Variants in ACOT7 observed in about 807,000 individuals in gnomAD.
The protein encoded by ACOT7 is acyl-CoA thioesterase 7, also known as cytosolic acyl coenzyme A thioester hydrolase.
Under a neutral mutation model 40.2 loss-of-function variants are expected in ACOT7, and 12 were observed. The ratio of observed to expected loss-of-function variants is 0.30; its 90% CI spans 0.19 to 0.48. ACOT7 has a LOEUF of 0.48. ACOT7 is among the 20% of genes least tolerant of loss of function. ACOT7 has a pLI of 0.99. For missense variants in ACOT7, 395 were observed against 530.8 expected (o/e 0.74, Z 2.51); for synonymous variants, 228 against 219.5 (o/e 1.04, Z -0.34).
intron 1 of ACOT7, among the ~76,000 whole-genome samples, chr1:6,382,805 A>C (rs1201962058): frequency 6.6e-6 from 1 of 151,842 alleles, no homozygotes; most frequent in Non-Finnish European, 1.5e-5. Flanking sequence ...ACCCTGTCTC[A>C]ATTTAAAAAA....
At chr1:6,384,984 C>T (rs978918411) in intron 1 of ACOT7, among the ~76,000 whole-genome samples, 1 of 151,926 alleles carries the variant, frequency 6.6e-6, no homozygotes, top group Non-Finnish European at 1.5e-5. Flanking sequence ...GCCCACTCAA[C>T]AGAGTTTCTG....
At chr1:6,356,354 G>A (rs3789465) in intron 1 of ACOT7, among the ~76,000 whole-genome samples, 12,237 of 152,186 alleles carry the variant, frequency 0.08, 829 homozygotes, top group African/African-American at 0.18. Flanking sequence ...GCAGCACTGA[G>A]TGGCACAGGG....
rs1242197177 is a variant in ACOT7, at chr1:6,338,527, C to T, written c.418+906G>A. ...AGGCCCTTGCTCAGCTCCATCTGCC[C>T]ACCTGCCGGAGCTGGGCTGACACAG... On this transcript the variant is annotated intron_variant, in intron 3 of 8. Coordinates refer to ENST00000361521, the MANE Select transcript of ACOT7 (RefSeq NM_007274.4). The surrounding 1 kb of genome is among the most constrained non-coding windows in gnomAD (Gnocchi z 4.4). Among the ~76,000 whole-genome samples the T allele has an allele frequency of 6.6e-6, 1 of 152,188 alleles. No individual in the cohort carries two copies. Among genetic ancestry groups the T allele is most frequent in the Non-Finnish European group, 1.5e-5 (1 of 68,032 alleles).
chr1:6,338,379 G>A lies in ACOT7; in HGVS notation c.418+1054C>T, dbSNP rs1641168401. Among the ~76,000 whole-genome samples, 1 of 152,182 alleles carries A rather than the reference G, an allele frequency of 6.6e-6. No individual in the cohort carries two copies. The highest frequency in any genetic ancestry group is 2.4e-5 in the African/African-American group (1 of 41,446). ...GAGTCGTGGGCGCTGCTCCTGTTGT[G>A]GGAGGTGCCCATACACCCCTTCCTG... is the stretch of plus-strand genomic sequence containing the variant. On this transcript the variant is annotated intron_variant, in intron 3 of 8. Transcript: ENST00000361521. This position sits in a 1 kb window ranked among gnomAD's most constrained non-coding sequence, Gnocchi z 4.4.
At chr1:6,309,455 TTTG>T (rs1224556072) in intron 6 of ACOT7, among the ~76,000 whole-genome samples, 2 of 152,096 alleles carry the variant, frequency 1.3e-5, no homozygotes, top group African/African-American at 2.4e-5. Flanking sequence ...GTGGGTGGAT[TTTG>T]TTATTTTTTT....
chr1:6,284,795 C>A (rs1639456957), intron 7 of ACOT7, among the ~76,000 whole-genome samples: 1 of 152,106 alleles, frequency 6.6e-6, no homozygotes, highest in Non-Finnish European at 1.5e-5. Context: ...GGCCCCTAGC[C>A]TGCCCCCTGC....
rs34026058 is a variant in ACOT7 at position 6,388,737 on chromosome 1, T to TA, written c.143+4519dup. On this transcript the variant is annotated intron_variant, in intron 1 of 8. Transcript: ENST00000361521. ...CCTGGGTGACAGAGTGAGACTCTCT[T>TA]AAAAAAAAAAAAAAAAAAAGGCCGG... Among the ~76,000 whole-genome samples the TA allele has an allele frequency of 1.6e-3, 133 of 84,620 alleles. 1 individual carries two copies. Among genetic ancestry groups the TA allele is most frequent in the East Asian group, 3.6e-3 (10 of 2,748 alleles). 55.5% of individuals were successfully genotyped at this position (84,620 alleles called of 152,430 possible).
At chr1:6,375,250 G>A (rs534926294) in intron 1 of ACOT7, among the ~76,000 whole-genome samples, 2 of 142,382 alleles carry the variant, frequency 1.4e-5, no homozygotes. Context: ...GCGACAGAGC[G>A]AGACTCCTCT....
intron 1 of ACOT7, among the ~76,000 whole-genome samples, chr1:6,392,069 G>C (rs955344849): frequency 1.3e-5 from 2 of 152,010 alleles, no homozygotes; most frequent in African/African-American, 2.4e-5. Context: ...AACCGACCTT[G>C]AGGTAAGGAG....
intron 2 of ACOT7, among the ~76,000 whole-genome samples, chr1:6,348,065 C>T (rs989413916): frequency 6.6e-6 from 1 of 152,070 alleles, no homozygotes; most frequent in Non-Finnish European, 1.5e-5. Context: ...ACTTGGCCCT[C>T]ACCCCTGCCC....
intron 1 of ACOT7, 98 bp from the exon 2 acceptor site, chr1:6,349,964 T>C (rs1055534885): frequency 6.8e-6 from 8 of 1,180,744 alleles, no homozygotes; most frequent in Admixed American, 1.8e-5. Context: ...AAGGGCTCAA[T>C]GGCTCCCGGA....
In ACOT7 at chr1:6,318,587, G is replaced by A; in HGVS notation, c.626-9C>T. 2 of 1,613,366 alleles carry A rather than the reference G, an allele frequency of 1.2e-6. No homozygotes were observed. Among genetic ancestry groups the A allele is most frequent in the Non-Finnish European group, 8.5e-7 (1 of 1,179,550 alleles). On this transcript the variant is annotated splice_polypyrimidine_tract_variant and intron_variant, in intron 5 of 8. Transcript: ENST00000361521. ...GCTGACAGTGTTCGGCTCTGGAATT[G>A]CAAAAGAGAGAGATTAGTTATGGGG...
At chr1:6,393,133 C>G in intron 1 of ACOT7, 124 bp downstream of exon 1, 1 of 1,075,902 alleles carries the variant, frequency 9.3e-7, no homozygotes, top group Non-Finnish European at 1.2e-6. Context: ...CGCGGAAGGC[C>G]GTGCGGGGAA....
intron 8 of ACOT7, among the ~76,000 whole-genome samples, chr1:6,277,444 C>T (rs1639227645): frequency 6.6e-6 from 1 of 152,234 alleles, no homozygotes; most frequent in Non-Finnish European, 1.5e-5. Flanking sequence ...GCACTGAAGC[C>T]TGTTCAAAGC....
At chr1:6,267,616 T>C (rs188274116) in intron 8 of ACOT7, among the ~76,000 whole-genome samples, 22 of 152,342 alleles carry the variant, frequency 1.4e-4, no homozygotes, top group African/African-American at 5.0e-4. Flanking sequence ...CAATGCACAC[T>C]GGGATGAAGG....
intron 8 of ACOT7, 67 bp from the exon 9 acceptor site, chr1:6,264,762 C>T: frequency 6.5e-7 from 1 of 1,533,974 alleles, no homozygotes; most frequent in Non-Finnish European, 8.9e-7. Context: ...GCCTTGTGAC[C>T]TGGCCTGGGG....
intron 8 of ACOT7, among the ~76,000 whole-genome samples, chr1:6,269,224 A>G (rs1417302845): frequency 6.6e-6 from 1 of 152,198 alleles, no homozygotes; most frequent in African/African-American, 2.4e-5. Flanking sequence ...GCTGCCCTCC[A>G]GGTCGTCCTA....
At chr1:6,356,616 T>C (rs1414075119) in intron 1 of ACOT7, among the ~76,000 whole-genome samples, 1 of 152,154 alleles carries the variant, frequency 6.6e-6, no homozygotes, top group Admixed American at 6.5e-5. Context: ...TCTCTGACTC[T>C]GACACAAAAA....
Position 6,288,799 on chromosome 1 carries a change from C to T in ACOT7, c.829+6065G>A, listed in dbSNP as rs896156917. The stretch of plus-strand genomic sequence containing the variant: ...ACAAGTGCCCCAAGTTCGTAAGTTC[C>T]TCCTAGGCACACACCCTTCGTGGCT... On this transcript the variant is annotated intron_variant, in intron 7 of 8. Transcript: ENST00000361521. The surrounding 1 kb of genome is among the most constrained non-coding windows in gnomAD (Gnocchi z 4.3). Among the ~76,000 whole-genome samples, 1 of 152,238 alleles carries T rather than the reference C, an allele frequency of 6.6e-6. No individual in the cohort carries two copies. Among genetic ancestry groups the T allele is most frequent in the Non-Finnish European group, 1.5e-5 (1 of 68,044 alleles).
Sources: gnomAD v4.1 joint callset for allele counts (sites outside exome capture counted in the v4.1 genomes callset) on GRCh38, gnomAD v4.1.1 for gene constraint, Gnocchi (gnomAD v3.1) non-coding constraint, MANE v1.5 for transcripts, NCBI Gene and HGNC (gene_info 2026-07-23, HGNC 2026-07-21) for gene names.